KIF6: variants seen among roughly 807,000 people sequenced by gnomAD.
KIF6 encodes the protein kinesin-like protein KIF6.
Under a neutral mutation model 112.7 loss-of-function variants are expected in KIF6, and 106 were observed. That is an observed-to-expected ratio of 0.94 (90% CI 0.80 to 1.11). The LOEUF (loss-of-function observed/expected upper bound fraction) is 1.11, where lower values mean the gene tolerates loss of function less well. Ranked by LOEUF, KIF6 falls within the 50% of genes least tolerant of loss-of-function variation. KIF6 has a pLI of 0.00. For missense variants in KIF6, 929 were observed against 964.0 expected (o/e 0.96, Z 0.48); for synonymous variants, 339 against 339.9 (o/e 1.00, Z 0.03).
chr6:39,588,566 A>C (rs113843242), intron 7 of KIF6, among the ~76,000 whole-genome samples: 229 of 152,168 alleles, frequency 1.5e-3, no homozygotes, highest in African/African-American at 5.3e-3. Flanking sequence ...AATTTATACC[A>C]TCAATCTCAA....
intron 3 of KIF6, among the ~76,000 whole-genome samples, chr6:39,659,260 C>A (rs1785982696): frequency 6.6e-6 from 1 of 152,048 alleles, no homozygotes; most frequent in South Asian, 2.1e-4. Context: ...GTATCTGGGC[C>A]AAGAAAGTGC....
chr6:39,401,377 T>C (rs1431669470), intron 15 of KIF6, among the ~76,000 whole-genome samples: 4 of 152,132 alleles, frequency 2.6e-5, no homozygotes, highest in Non-Finnish European at 2.9e-5. Flanking sequence ...GTACAAGTAG[T>C]TTATTTGGGA....
intron 7 of KIF6, among the ~76,000 whole-genome samples, chr6:39,593,735 C>T (rs1050875111): frequency 3.9e-5 from 6 of 152,206 alleles, no homozygotes; most frequent in African/African-American, 1.2e-4. Flanking sequence ...TTCCCACTGC[C>T]TGACATGCTC....
At chr6:39,461,503 T>A (rs954438422) in intron 13 of KIF6, among the ~76,000 whole-genome samples, 29 of 152,218 alleles carry the variant, frequency 1.9e-4, no homozygotes, top group Admixed American at 1.9e-3. Flanking sequence ...GCTTTAGTTT[T>A]AATTTTTACA....
chr6:39,425,017 C>T (rs1207155107), intron 14 of KIF6, among the ~76,000 whole-genome samples: 1 of 152,110 alleles, frequency 6.6e-6, no homozygotes, highest in Non-Finnish European at 1.5e-5. Flanking sequence ...GGCGGAGATA[C>T]TCATCATGAC....
chr6:39,384,744 A>G (rs1767266089), intron 16 of KIF6, among the ~76,000 whole-genome samples: 1 of 152,170 alleles, frequency 6.6e-6, no homozygotes, highest in African/African-American at 2.4e-5. Flanking sequence ...ACACCATCTC[A>G]AGGGGAACTT....
chr6:39,645,442 T>C (rs1031795960), intron 3 of KIF6, among the ~76,000 whole-genome samples: 1 of 152,164 alleles, frequency 6.6e-6, no homozygotes, highest in African/African-American at 2.4e-5. Flanking sequence ...CTTCATTTTG[T>C]TTACCTCCGG....
intron 13 of KIF6, among the ~76,000 whole-genome samples, chr6:39,522,194 T>C (rs1777438038): frequency 6.6e-6 from 1 of 152,182 alleles, no homozygotes. Context: ...AATGTAAATA[T>C]CAGAGGGGCC....
At chr6:39,509,063 C>T (rs558630455) in intron 13 of KIF6, among the ~76,000 whole-genome samples, 110 of 152,280 alleles carry the variant, frequency 7.2e-4, no homozygotes, top group South Asian at 1.7e-3. Flanking sequence ...TGTTCTGTAG[C>T]CTCCGCTGAT....
At chr6:39,499,847 G>A (rs1776019475) in intron 13 of KIF6, among the ~76,000 whole-genome samples, 1 of 152,206 alleles carries the variant, frequency 6.6e-6, no homozygotes, top group Non-Finnish European at 1.5e-5. Context: ...TCCTGAAAGA[G>A]CTTATGATTT....
intron 10 of KIF6, among the ~76,000 whole-genome samples, chr6:39,550,860 A>C (rs879167137): frequency 6.6e-6 from 1 of 152,356 alleles, no homozygotes; most frequent in East Asian, 1.9e-4. Flanking sequence ...CTAAAGCTAC[A>C]TATTACCTGA....
chr6:39,351,855 T>C (rs897808371), intron 19 of KIF6, among the ~76,000 whole-genome samples: 42 of 152,316 alleles, frequency 2.8e-4, no homozygotes, highest in African/African-American at 9.6e-4. Context: ...AGAGCAATGA[T>C]TGAGGAAGCT....
chr6:39,482,006 GCACA>G lies in KIF6; in HGVS notation c.1646-50849_1646-50846del, dbSNP rs143093562. Among the ~76,000 whole-genome samples the G allele has an allele frequency of 6.1e-3, 859 of 141,130 alleles. 4 individuals carry two copies. The highest frequency in any genetic ancestry group is 0.014 in the East Asian group (67 of 4,658). The allele number at this position is 141,130 out of a possible 152,430, so 92.6% of individuals were successfully genotyped here. ...GAGATAAAGACAACGGGACCTTTAG[GCACA>G]CACACACACACACACACACACACAC... On this transcript the variant is annotated intron_variant, in intron 13 of 22. Coordinates refer to ENST00000287152, the MANE Select transcript of KIF6 (RefSeq NM_145027.6).
intron 15 of KIF6, among the ~76,000 whole-genome samples, chr6:39,386,087 A>T (rs574328170): frequency 6.6e-6 from 1 of 152,230 alleles, no homozygotes; most frequent in Admixed American, 6.5e-5. Flanking sequence ...AACTGTGTCA[A>T]ATAAAAAAAG....
intron 13 of KIF6, among the ~76,000 whole-genome samples, chr6:39,538,477 C>T (rs573490230): frequency 6.6e-6 from 1 of 152,046 alleles, no homozygotes; most frequent in East Asian, 1.9e-4. Context: ...TGCCCATCAT[C>T]ACTGGCCATC....
At chr6:39,644,306 G>A (rs1044249550) in intron 3 of KIF6, among the ~76,000 whole-genome samples, 12 of 152,054 alleles carry the variant, frequency 7.9e-5, no homozygotes, top group African/African-American at 2.9e-4. Context: ...ATATGACCCG[G>A]CTAGGTGTAT....
chr6:39,394,063 T>G (rs2150328124), intron 15 of KIF6, among the ~76,000 whole-genome samples: 1 of 152,276 alleles, frequency 6.6e-6, no homozygotes, highest in South Asian at 2.1e-4. Context: ...TGCATATATA[T>G]GTATATGTAT....
intron 21 of KIF6, among the ~76,000 whole-genome samples, chr6:39,345,405 G>A (rs1763621351): frequency 6.6e-6 from 1 of 152,206 alleles, no homozygotes; most frequent in Non-Finnish European, 1.5e-5. Context: ...TGGTGGGGCT[G>A]CCCTGGGCTG....
In KIF6 at chr6:39,335,864, T is replaced by C. The variant is rs564418655; in HGVS notation, c.*668A>G. On this transcript the variant is annotated 3_prime_UTR_variant, in exon 23 of 23. Coordinates refer to ENST00000287152, the MANE Select transcript of KIF6 (RefSeq NM_145027.6). Reference sequence around the variant, plus strand: ...AGAGCCCCTGGGAGCTGCCCACTGTTCTCTGGGTGCTATGATGTCCTTAGA... The same window carrying C: ...AGAGCCCCTGGGAGCTGCCCACTGTCCTCTGGGTGCTATGATGTCCTTAGA... 1.4e-4 allele frequency: 22 copies of C among 152,462 alleles called. No individual in the cohort carries two copies. Among genetic ancestry groups the C allele is most frequent in the African/African-American group, 4.6e-4 (19 of 41,562 alleles). The allele number at this position is 152,462 out of a possible 1,614,324, so 9.4% of individuals were successfully genotyped here.
Sources: allele counts gnomAD v4.1 joint callset (sites outside exome capture counted in the v4.1 genomes callset), GRCh38; gene constraint gnomAD v4.1.1; transcripts MANE v1.5; gene names NCBI Gene and HGNC (gene_info 2026-07-23, HGNC 2026-07-21).